POLR2F: variants seen among roughly 807,000 people sequenced by gnomAD.
POLR2F encodes DNA-directed RNA polymerases I, II, and III subunit RPABC2.
Under a neutral mutation model 22.7 loss-of-function variants are expected in POLR2F, and 12 were observed. The observed-to-expected ratio is 0.53, with a 90% CI of 0.34 to 0.86. POLR2F has a LOEUF of 0.86. Among genes scored for constraint, POLR2F ranks in the 40% least tolerant of loss-of-function variants. POLR2F has a pLI of 0.02. For synonymous variants in POLR2F, 57 were observed against 66.0 expected, an observed-to-expected ratio of 0.86 and a Z score of 0.66; for missense variants, 126 against 171.5, an observed-to-expected ratio of 0.73 and a Z score of 1.48.
intron 3 of POLR2F, among the ~76,000 whole-genome samples, chr22:37,964,056 C>T (rs994785904): frequency 1.3e-5 from 2 of 151,386 alleles, no homozygotes; most frequent in Non-Finnish European, 2.9e-5. Flanking sequence ...GAGCCAAGAT[C>T]GTGCCACTAA....
chr22:37,955,071 G>T (rs937782687), intron 1 of POLR2F, among the ~76,000 whole-genome samples: 1 of 152,130 alleles, frequency 6.6e-6, no homozygotes, highest in African/African-American at 2.4e-5. Context: ...GGGGTGAAAG[G>T]CTTTTTGGAG....
intron 1 of POLR2F, 152 bp from the exon 2 acceptor site, chr22:37,956,621 T>A: frequency 1.6e-6 from 1 of 639,292 alleles, no homozygotes; most frequent in East Asian, 2.7e-5. Flanking sequence ...TTTGCCTTGT[T>A]GGCCAGGCTG....
chr22:38,034,508 G>C (rs895779410), intron 5 of POLR2F, among the ~76,000 whole-genome samples: 1 of 152,194 alleles, frequency 6.6e-6, no homozygotes, highest in African/African-American at 2.4e-5. Context: ...TAAGGAGACC[G>C]AAGTGCCCAG....
downstream of POLR2F, among the ~76,000 whole-genome samples, chr22:38,027,052 G>GT: frequency 6.6e-6 from 1 of 152,204 alleles, no homozygotes; most frequent in East Asian, 1.9e-4. Context: ...GGATGGTGAT[G>GT]GCCTGCGGGA....
intron 3 of POLR2F, among the ~76,000 whole-genome samples, chr22:37,966,705 C>T (rs1283265758): frequency 2.0e-5 from 3 of 152,072 alleles, no homozygotes; most frequent in African/African-American, 7.2e-5. Flanking sequence ...GTGGAGGTTG[C>T]AGTGAGCCAC....
At chr22:37,984,093 T>A (rs1337610069), upstream of POLR2F, 2 of 223,840 alleles carry the variant, frequency 8.9e-6, no homozygotes, top group African/African-American at 2.3e-5. This position sits in a 1 kb window ranked among gnomAD's most constrained non-coding sequence, Gnocchi z 4.4. Flanking sequence ...GCTTTTTTTT[T>A]AGCCTCCTTT....
downstream of POLR2F, among the ~76,000 whole-genome samples, chr22:37,970,275 CAGAG>C (rs1231345791): frequency 2.4e-5 from 3 of 127,318 alleles, no homozygotes; most frequent in East Asian, 2.3e-4. Context: ...GCCTGGGCGA[CAGAG>C]AGAGACTCCG....
chr22:38,011,462 C>CTT (rs76830973), intron 1 of POLR2F, among the ~76,000 whole-genome samples: 4 of 137,392 alleles, frequency 2.9e-5, no homozygotes, highest in African/African-American at 5.3e-5. Context: ...GGTTATGGTT[C>CTT]TTTTTTTTTT....
intron 1 of POLR2F, among the ~76,000 whole-genome samples, chr22:37,992,645 C>T (rs532866545): frequency 1.3e-4 from 20 of 152,246 alleles, no homozygotes; most frequent in Non-Finnish European, 2.4e-4. Context: ...GTGATTCGCC[C>T]GCCTCGGCCT....
At chr22:37,983,054 C>T (rs1448986233), upstream of POLR2F, among the ~76,000 whole-genome samples, 1 of 152,242 alleles carries the variant, frequency 6.6e-6, no homozygotes, top group African/African-American at 2.4e-5. The surrounding 1 kb of genome is among the most constrained non-coding windows in gnomAD (Gnocchi z 9.5). Flanking sequence ...TTAGTGAAGG[C>T]CTCCTTCCCT....
Position 37,953,819 on chromosome 22 carries a change from A to G in POLR2F, c.20+12A>G, listed in dbSNP as rs756262096. ...GACAACGAGGACAAGTGAGTGCGGGAGCGGAGTGGCCTTTGCGGCAACCTT... is the reference window on the plus strand; with the variant it reads ...GACAACGAGGACAAGTGAGTGCGGGGGCGGAGTGGCCTTTGCGGCAACCTT... On this transcript the variant is annotated intron_variant, in intron 1 of 4. Transcript: ENST00000442738. The G allele has an allele frequency of 7.6e-5, 122 of 1,608,136 alleles. No individual in the cohort carries two copies. Among genetic ancestry groups the G allele is most frequent in the Admixed American group, 6.1e-4 (36 of 59,208 alleles).
chr22:38,003,083 C>T (rs1475518519), intron 1 of POLR2F, among the ~76,000 whole-genome samples: 1 of 151,996 alleles, frequency 6.6e-6, no homozygotes, highest in Admixed American at 6.6e-5. Context: ...GAAGGGAAAG[C>T]ACATGGAAAA....
chr22:37,984,148 C>G (rs1932498602), upstream of POLR2F: 1 of 172,758 alleles, frequency 5.8e-6, no homozygotes, highest in African/African-American at 2.4e-5. This position sits in a 1 kb window ranked among gnomAD's most constrained non-coding sequence, Gnocchi z 4.4. Flanking sequence ...AAAACGGAGC[C>G]TTTATTTTGC....
intron 1 of POLR2F, among the ~76,000 whole-genome samples, chr22:38,000,888 T>C (rs2084763126): frequency 2.0e-5 from 3 of 152,160 alleles, no homozygotes; most frequent in Admixed American, 1.3e-4. Flanking sequence ...TTATTTTCAT[T>C]CCAGTTCTCA....
At chr22:37,990,205 G>T (rs915414491) in intron 1 of POLR2F, among the ~76,000 whole-genome samples, 1 of 152,192 alleles carries the variant, frequency 6.6e-6, no homozygotes, top group Non-Finnish European at 1.5e-5. Context: ...CTGAGCTCTG[G>T]GGGAGGAGGA....
intron 4 of POLR2F, 163 bp downstream of exon 4, chr22:37,967,333 G>C: frequency 6.8e-7 from 1 of 1,478,172 alleles, no homozygotes; most frequent in Non-Finnish European, 8.9e-7. Flanking sequence ...AGAGAGAAGA[G>C]GAGGCAGGGA....
chr22:38,028,664 A>C (rs1341345997), downstream of POLR2F, among the ~76,000 whole-genome samples: 3 of 151,954 alleles, frequency 2.0e-5, no homozygotes, highest in Non-Finnish European at 4.4e-5. Context: ...GAAATTGGGG[A>C]GAGGACAGCG....
At position 37,997,871 on chromosome 22, in the gene POLR2F, TC is replaced by T. The variant is rs1468438419; in HGVS notation, c.120+11562del. Among the ~76,000 whole-genome samples, 1 of 152,084 alleles carries T rather than the reference TC, an allele frequency of 6.6e-6. No homozygotes were observed. Among genetic ancestry groups the T allele is most frequent in the Non-Finnish European group, 1.5e-5 (1 of 68,000 alleles). On this transcript the variant is annotated intron_variant, in intron 1 of 2. Transcript: ENST00000333418. This position sits in a 1 kb window ranked among gnomAD's most constrained non-coding sequence, Gnocchi z 4.4. ...CAGGAGGTAAGGATGCGTCCGAGCC[TC>T]CCTAGGACACGACCCTCACAGAGTC...
upstream of POLR2F, chr22:37,983,464 G>T (rs372732875): frequency 1.2e-6 from 2 of 1,612,268 alleles, no homozygotes; most frequent in Non-Finnish European, 8.5e-7. The surrounding 1 kb of genome is among the most constrained non-coding windows in gnomAD (Gnocchi z 9.5). Context: ...AGGCGTTCAT[G>T]GGCCGCTTGA....
Sources: allele counts gnomAD v4.1 joint callset (sites outside exome capture counted in the v4.1 genomes callset), GRCh38; gene constraint gnomAD v4.1.1; non-coding constraint Gnocchi (gnomAD v3.1); transcripts MANE v1.5; gene names NCBI Gene and HGNC (gene_info 2026-07-23, HGNC 2026-07-21).